MACROD2: variants seen among roughly 807,000 people sequenced by gnomAD.
The protein encoded by MACROD2 is mono-ADP ribosylhydrolase 2, also known as ADP-ribose glycohydrolase MACROD2.
Under a neutral mutation model 70.4 loss-of-function variants are expected in MACROD2, and 36 were observed. The ratio of observed to expected loss-of-function variants is 0.51; its 90% CI spans 0.39 to 0.68. The LOEUF is 0.68. MACROD2 is among the 30% of genes least tolerant of loss of function. The probability of loss-of-function intolerance (pLI) is 0.00; values close to 1 mark genes in which losing one functional copy is unlikely to be tolerated. For missense variants in MACROD2, 496 were observed against 538.4 expected, an observed-to-expected ratio of 0.92 and a Z score of 0.78; for synonymous variants, 172 against 178.8, an observed-to-expected ratio of 0.96 and a Z score of 0.30.
At chr20:15,249,654 A>G (rs2077137194) in intron 6 of MACROD2, among the ~76,000 whole-genome samples, 1 of 152,240 alleles carries the variant, frequency 6.6e-6, no homozygotes, top group Admixed American at 6.5e-5. Flanking sequence ...CCTGGTAACT[A>G]TTAGTTTAAA....
intron 8 of MACROD2, among the ~76,000 whole-genome samples, chr20:15,539,510 T>C (rs558341372): frequency 4.6e-5 from 7 of 152,380 alleles, no homozygotes; most frequent in African/African-American, 1.4e-4. Flanking sequence ...TGTTGTTCAA[T>C]GAGGTGTTAT....
intron 6 of MACROD2, among the ~76,000 whole-genome samples, chr20:15,300,133 C>CT (rs200012147): frequency 2.7e-5 from 4 of 149,208 alleles, no homozygotes; most frequent in Admixed American, 1.3e-4. Flanking sequence ...CAATTACTGA[C>CT]TTTTTTTTTT....
intron 2 of MACROD2, among the ~76,000 whole-genome samples, chr20:14,037,231 A>G (rs1357818253): frequency 1.3e-5 from 2 of 152,206 alleles, no homozygotes; most frequent in Non-Finnish European, 2.9e-5. Context: ...TGATGAAAAC[A>G]TGATTGCAAT....
At chr20:14,861,715 C>A (rs1442897366) in intron 5 of MACROD2, among the ~76,000 whole-genome samples, 1 of 151,400 alleles carries the variant, frequency 6.6e-6, no homozygotes, top group Non-Finnish European at 1.5e-5. Flanking sequence ...CTGGCACTTT[C>A]TCATTAAGGT....
chr20:15,146,649 A>AT (rs772653955), intron 5 of MACROD2, among the ~76,000 whole-genome samples: 9 of 152,020 alleles, frequency 5.9e-5, no homozygotes, highest in Non-Finnish European at 1.0e-4. Flanking sequence ...TGTTTTTTAC[A>AT]TTTTCCATCT....
rs1042211432 is a variant in MACROD2 at position 15,506,693 on chromosome 20, A to G, written c.645+6846A>G. The stretch of plus-strand genomic sequence containing the variant: ...AAATGAAACATGAAATGATGCTTAC[A>G]TTTATGATGGGAAAATTATATATTT... On this transcript the variant is annotated intron_variant, in intron 8 of 17. Transcript: ENST00000684519. 2.0e-5 allele frequency among the ~76,000 whole-genome samples: 3 copies of G among 152,202 alleles called. No individual in the cohort carries two copies. In the East Asian group the frequency reaches 5.8e-4, roughly 29 times the overall value.
chr20:14,984,607 G>A (rs1332111983), intron 5 of MACROD2, among the ~76,000 whole-genome samples: 2 of 152,266 alleles, frequency 1.3e-5, no homozygotes, highest in East Asian at 1.9e-4. Flanking sequence ...GTTGTCAATG[G>A]CATCTAATAA....
intron 8 of MACROD2, among the ~76,000 whole-genome samples, chr20:15,576,201 A>G (rs960131653): frequency 4.6e-4 from 70 of 152,026 alleles, no homozygotes; most frequent in Admixed American, 2.0e-3. Flanking sequence ...AATTAATGTA[A>G]CCACCACCTT....
At chr20:15,252,959 T>C (rs2077168671) in intron 6 of MACROD2, among the ~76,000 whole-genome samples, 1 of 152,188 alleles carries the variant, frequency 6.6e-6, no homozygotes, top group East Asian at 1.9e-4. Context: ...AAAATTTGCA[T>C]CTGTTAATGT....
At chr20:14,692,629 C>T (rs561346547) in intron 5 of MACROD2, among the ~76,000 whole-genome samples, 5 of 152,162 alleles carry the variant, frequency 3.3e-5, no homozygotes, top group East Asian at 1.9e-4. Context: ...TGCAGGAAAC[C>T]GAGCAAGAAG....
chr20:15,437,309 A>C (rs1048123296), intron 7 of MACROD2, among the ~76,000 whole-genome samples: 1 of 152,076 alleles, frequency 6.6e-6, no homozygotes, highest in Admixed American at 6.6e-5. Context: ...CCACATGTAC[A>C]TGATCTGATG....
intron 3 of MACROD2, among the ~76,000 whole-genome samples, chr20:14,282,628 T>A (rs903097065): frequency 6.6e-6 from 1 of 152,304 alleles, no homozygotes; most frequent in South Asian, 2.1e-4. Context: ...AGAGGTTTAA[T>A]TGGCTCATGG....
At chr20:14,621,829 A>G (rs952449974) in intron 4 of MACROD2, 14 of 152,332 alleles carry the variant, frequency 9.2e-5, no homozygotes, top group Middle Eastern at 6.8e-3. Flanking sequence ...AAGGTCAAGT[A>G]TACACCATGT....
chr20:14,039,420 G>A (rs368559776), intron 2 of MACROD2, among the ~76,000 whole-genome samples: 19 of 152,184 alleles, frequency 1.2e-4, no homozygotes, highest in African/African-American at 4.6e-4. Flanking sequence ...GGCACGTCTT[G>A]TTTTAAATCT....
At chr20:14,034,354 A>G (rs949116237) in intron 2 of MACROD2, among the ~76,000 whole-genome samples, 7 of 152,316 alleles carry the variant, frequency 4.6e-5, no homozygotes, top group South Asian at 4.1e-4. Flanking sequence ...CCCCCTATTC[A>G]TAAGCATTTT....
intron 5 of MACROD2, among the ~76,000 whole-genome samples, chr20:14,966,095 TC>T: frequency 6.6e-6 from 1 of 152,242 alleles, no homozygotes; most frequent in East Asian, 1.9e-4. Context: ...TGAGACAAAA[TC>T]CTGAAGACAT....
At chr20:15,529,456 A>G (rs755072889) in intron 8 of MACROD2, among the ~76,000 whole-genome samples, 2 of 152,116 alleles carry the variant, frequency 1.3e-5, no homozygotes, top group Non-Finnish European at 2.9e-5. Flanking sequence ...TTCTTTAACT[A>G]TTTGTTAAAG....
chr20:15,951,285 C>T (rs2147366142), intron 12 of MACROD2, among the ~76,000 whole-genome samples: 1 of 145,600 alleles, frequency 6.9e-6, no homozygotes, highest in South Asian at 2.3e-4. Flanking sequence ...GCCACTGTTC[C>T]TAGGAGGATA....
intron 12 of MACROD2, among the ~76,000 whole-genome samples, chr20:15,938,188 A>G (rs913170223): frequency 7.9e-5 from 12 of 152,190 alleles, no homozygotes; most frequent in Non-Finnish European, 1.6e-4. Flanking sequence ...GGAAAACAAA[A>G]TAGTGCTTTT....
Sources: gnomAD v4.1 joint callset for allele counts (sites outside exome capture counted in the v4.1 genomes callset) on GRCh38, gnomAD v4.1.1 for gene constraint, MANE v1.5 for transcripts, NCBI Gene and HGNC (gene_info 2026-07-23, HGNC 2026-07-21) for gene names.